Variants in FAM131A observed in about 807,000 individuals in gnomAD.
The protein encoded by FAM131A is family with sequence similarity 131 member A, also known as protein FAM131A.
Under a neutral mutation model 39.2 loss-of-function variants are expected in FAM131A, and 24 were observed. That is an observed-to-expected ratio of 0.61 (90% confidence interval 0.44 to 0.86). FAM131A has a LOEUF of 0.86. FAM131A is among the 40% of genes least tolerant of loss of function. FAM131A has a pLI of 0.00. For synonymous variants in FAM131A, 202 were observed against 206.8 expected (o/e 0.98, Z 0.20); for missense variants, 373 against 481.2 (o/e 0.78, Z 2.10).
At chr3:184,344,106 C>T (rs560825175) in intron 5 of FAM131A, among the ~76,000 whole-genome samples, 134 of 152,338 alleles carry the variant, frequency 8.8e-4, no homozygotes, top group African/African-American at 3.1e-3. Context: ...CTGCCTCAGC[C>T]TCCCGAGTAG....
chr3:184,342,383 C>T lies in FAM131A; in HGVS notation c.508+135C>T. 1 of 1,059,972 alleles carries T rather than the reference C, an allele frequency of 9.4e-7. No homozygotes were observed. Among genetic ancestry groups the T allele is most frequent in the Non-Finnish European group, 1.3e-6 (1 of 763,092 alleles). The allele number at this position is 1,059,972 out of a possible 1,614,324, so 65.7% of individuals were successfully genotyped here. ...AGTGCAGTGATGCAATCTCAGCTCA[C>T]TGCAACCTCTGCCACCCCAGTTCAA... On this transcript the variant is annotated intron_variant, in intron 4 of 5. Transcript: ENST00000383847. This position sits in a 1 kb window ranked among gnomAD's most constrained non-coding sequence, Gnocchi z 4.6.
Position 184,342,222 on chromosome 3 carries a change from G to A in FAM131A, c.482G>A (p.Gly161Asp). ...TCCTCCTATTCAGACCTCAGCGAGGGCGAACAAGAGGCTCGCTTTGCAGCA... is the reference window on the plus strand; with the variant it reads ...TCCTCCTATTCAGACCTCAGCGAGGACGAACAAGAGGCTCGCTTTGCAGCA... Reference protein sequence around the residue: ...AFSSYSDLSEGEQEARFAAGV... With the variant: ...AFSSYSDLSEDEQEARFAAGV... The change falls in exon 4 of 6, where the codon GGC becomes GAC. Residue 161 changes from glycine (G) to aspartate (D), a missense_variant. This residue lies in a region of FAM131A where 221 missense variants were observed against 347.7 expected (regional missense o/e 0.64). Transcript: ENST00000383847. This position sits in a 1 kb window ranked among gnomAD's most constrained non-coding sequence, Gnocchi z 4.6. 1 of 1,608,868 alleles carries A rather than the reference G, an allele frequency of 6.2e-7. No homozygotes were observed. Among genetic ancestry groups the A allele is most frequent in the Non-Finnish European group, 8.5e-7 (1 of 1,175,908 alleles).
chr3:184,338,615 C>T (rs1449199226), intron 2 of FAM131A, 86 bp downstream of exon 2: 1 of 1,478,612 alleles, frequency 6.8e-7, no homozygotes, highest in South Asian at 1.3e-5. Flanking sequence ...GGCCAGCCAG[C>T]TTCTGGCTCC....
chr3:184,345,461 C>T lies in FAM131A; in HGVS notation c.*491C>T, dbSNP rs985984704. 4.4e-5 allele frequency: 31 copies of T among 697,416 alleles called. No homozygotes were observed. The highest frequency in any genetic ancestry group is 1.2e-4 in the African/African-American group (7 of 56,776). The allele number at this position is 697,416 out of a possible 1,614,324, so 43.2% of individuals were successfully genotyped here. A position where few individuals can be genotyped will look rare whatever the true frequency, so the allele number is the denominator to read the frequency against. ...CTGGAGGGGCTGGCTCCTGCCCTCC[C>T]GGAGCCTATGGGTTGAGCCGTCCCT... On this transcript the variant is annotated 3_prime_UTR_variant, in exon 6 of 6. Coordinates refer to ENST00000383847, the MANE Select transcript of FAM131A (RefSeq NM_144635.5).
chr3:184,338,389 T>A lies in FAM131A; in HGVS notation c.91T>A (p.Ser31Thr). Residue 31 changes from serine to threonine, a missense_variant and splice_region_variant, in exon 2 of 6, where the codon TCC (serine) becomes ACC (threonine). Physicochemically the swap from Ser to Thr is moderately conservative, Grantham distance 58 (BLOSUM62 1). Around this residue, in one of 2 missense-constraint regions of FAM131A, gnomAD observed 221 missense variants for 347.7 expected, o/e 0.64. Coordinates refer to ENST00000383847, the MANE Select transcript of FAM131A (RefSeq NM_144635.5). ...RWTCQTSRRV[S>T]SDPAWAVEWI... is the part of the protein sequence containing the mutation. ...ACAGCCTTTCCCCTTCCTCTCAGTG[T>A]CCTCGGACCCCGCTTGGGCTGTGGA... The A allele has an allele frequency of 6.9e-7, 1 of 1,439,868 alleles. No homozygotes were observed. Among genetic ancestry groups the A allele is most frequent in the Non-Finnish European group, 9.1e-7 (1 of 1,099,674 alleles). 89.2% of individuals were successfully genotyped at this position (1,439,868 alleles called of 1,614,324 possible). A position where few individuals can be genotyped will look rare whatever the true frequency, so the allele number is the denominator to read the frequency against.
At position 184,342,310 on chromosome 3, in the gene FAM131A, TATTTA is replaced by T. The variant is rs1727421319; in HGVS notation, c.508+67_508+71del. On this transcript the variant is annotated intron_variant, in intron 4 of 5. Transcript: ENST00000383847. The surrounding 1 kb of genome is among the most constrained non-coding windows in gnomAD (Gnocchi z 4.6). ...ACAGGGCTGCTTTCTTTCTTTATTT[TATTTA>T]ATTTTTTTTTGAGACGGAGTCTCAC... is the stretch of plus-strand genomic sequence containing the variant. The T allele has an allele frequency of 1.3e-6, 2 of 1,493,394 alleles. No homozygotes were observed. The highest frequency in any genetic ancestry group is 1.4e-5 in the African/African-American group (1 of 71,344). 92.5% of individuals were successfully genotyped at this position (1,493,394 alleles called of 1,614,324 possible).
At chr3:184,343,408 G>A (rs1294384418) in intron 5 of FAM131A, among the ~76,000 whole-genome samples, 1 of 152,384 alleles carries the variant, frequency 6.6e-6, no homozygotes, top group South Asian at 2.1e-4. Context: ...AGTGCTTGCA[G>A]AGGGGACCCT....
chr3:184,344,621 A>T lies in FAM131A; in HGVS notation c.752A>T (p.Asp251Val), dbSNP rs1266454009. The T allele has an allele frequency of 6.2e-7, 1 of 1,612,948 alleles. No homozygotes were observed. Among genetic ancestry groups the T allele is most frequent in the Admixed American group, 1.7e-5 (1 of 60,014 alleles). The change falls in exon 6 of 6, where the codon GAC becomes GTC. Residue 251 changes from aspartate to valine, a missense_variant. Physicochemically the swap from Asp to Val is radical, Grantham distance 152. Coordinates refer to ENST00000383847, the MANE Select transcript of FAM131A (RefSeq NM_144635.5). ...ESDCSQTVSP[D>V]TLCSSLCSLE... The stretch of plus-strand genomic sequence containing the variant: ...GACTGCTCACAGACCGTGTCCCCAG[A>T]CACCCTGTGCTCTAGTCTGTGCAGC...
At chr3:184,341,851 G>A (rs781565540) in intron 3 of FAM131A, 34 bp downstream of exon 3, 1 of 1,609,476 alleles carries the variant, frequency 6.2e-7, no homozygotes, top group Non-Finnish European at 8.5e-7. Flanking sequence ...TGGCCACTTT[G>A]TCCTTTCTCC....
Position 184,344,755 on chromosome 3 carries a change from C to G in FAM131A, c.886C>G (p.Leu296Val), listed in dbSNP as rs1442288639. 6.8e-6 allele frequency: 11 copies of G among 1,612,390 alleles called. No individual in the cohort carries two copies. Among genetic ancestry groups the G allele is most frequent in the Non-Finnish European group, 9.3e-6 (11 of 1,179,962 alleles). The part of the protein sequence containing the change: ...PPSRESAFRS[L>V]GPLEAQDSLY... Reference sequence around the variant, plus strand: ...CAGCCGGGAAAGTGCCTTCCGCAGCCTGGGCCCACTGGAGGCCCAGGACTC... The same window carrying G: ...CAGCCGGGAAAGTGCCTTCCGCAGCGTGGGCCCACTGGAGGCCCAGGACTC... Residue 296 changes from leucine (L) to valine (V), a missense_variant, in exon 6 of 6, where the codon CTG becomes GTG. Physicochemically the swap from Leu to Val is conservative, Grantham distance 32. Around this residue, in one of 2 missense-constraint regions of FAM131A, gnomAD observed 152 missense variants for 133.5 expected, o/e 1.14. Transcript: ENST00000383847.
chr3:184,341,928 T>C, intron 3 of FAM131A, 111 bp downstream of exon 3: 1 of 1,501,514 alleles, frequency 6.7e-7, no homozygotes, highest in Non-Finnish European at 9.3e-7. Flanking sequence ...CTTTCTTCCC[T>C]TGCTCAGGTG....
intron 1 of FAM131A, 53 bp from the exon 2 acceptor site, chr3:184,338,334 G>A (rs1560240678): frequency 5.0e-6 from 7 of 1,397,608 alleles, no homozygotes; most frequent in Non-Finnish European, 4.6e-6. Flanking sequence ...ATGAAAATGG[G>A]GATCTCTGCA....
chr3:184,342,632 C>A lies in FAM131A; in HGVS notation c.509-112C>A. ...GGGCTGCTTTCTTATCTCCTCGGGT[C>A]TGACATGGGGGTTGGAGTCTTCCCA... is the stretch of plus-strand genomic sequence containing the variant. On this transcript the variant is annotated intron_variant, in intron 4 of 5. Transcript: ENST00000383847. The surrounding 1 kb of genome is among the most constrained non-coding windows in gnomAD (Gnocchi z 4.6). The A allele has an allele frequency of 3.2e-6, 3 of 933,352 alleles. No individual in the cohort carries two copies. The highest frequency in any genetic ancestry group is 4.9e-6 in the Non-Finnish European group (3 of 613,428). 57.8% of individuals were successfully genotyped at this position (933,352 alleles called of 1,614,324 possible).
rs9839000 is a variant in FAM131A at position 184,344,988 on chromosome 3, A to G, written c.*18A>G. ...AACAGTGACCCACATCATGCCTGGC[A>G]GTGGCATGCATCCCCCGGCTGCTGC... On this transcript the variant is annotated 3_prime_UTR_variant, in exon 6 of 6. Coordinates refer to ENST00000383847, the MANE Select transcript of FAM131A (RefSeq NM_144635.5). The G allele has an allele frequency of 0.31, 465,032 of 1,499,900 alleles. 75,021 individuals are homozygous for G. The highest frequency in any genetic ancestry group is 0.33 in the Non-Finnish European group (374,327 of 1,125,100). 92.9% of individuals were successfully genotyped at this position (1,499,900 alleles called of 1,614,324 possible).
At chr3:184,343,245 G>C in intron 5 of FAM131A, 1 of 166,534 alleles carries the variant, frequency 6.0e-6, no homozygotes, top group South Asian at 1.8e-4. Context: ...GCTGGCTGTG[G>C]CAGGGCAGAT....
intron 2 of FAM131A, chr3:184,341,495 C>T (rs1727375739): frequency 8.6e-6 from 5 of 582,506 alleles, no homozygotes; most frequent in Non-Finnish European, 1.2e-5. Context: ...GGAGGATTAG[C>T]TGAAGTTTTG....
intron 2 of FAM131A, 152 bp from the exon 3 acceptor site, chr3:184,341,572 T>A: frequency 1.5e-6 from 1 of 648,544 alleles, no homozygotes; most frequent in East Asian, 2.7e-5. Context: ...CCTAGCTTCT[T>A]ATCATCTTAC....
In FAM131A at chr3:184,344,887, G is replaced by C. The variant is rs764528978; in HGVS notation, c.1018G>C (p.Glu340Gln). 1.2e-6 allele frequency: 2 copies of C among 1,609,626 alleles called. No homozygotes were observed. Among genetic ancestry groups the C allele is most frequent in the South Asian group, 2.2e-5 (2 of 91,056 alleles). Reference sequence around the variant, plus strand: ...CTGCCCACCACTAACGGGCAGCTGGGAACGGCAGCGGCAAGCCTCTGACCT... The same window carrying C: ...CTGCCCACCACTAACGGGCAGCTGGCAACGGCAGCGGCAAGCCTCTGACCT... ...PLCPPLTGSW[E>Q]RQRQASDLAS... Residue 340 changes from glutamate (E) to glutamine (Q), a missense_variant, in exon 6 of 6, where the codon GAA (glutamate) becomes CAA (glutamine). Coordinates refer to ENST00000383847, the MANE Select transcript of FAM131A (RefSeq NM_144635.5).
chr3:184,338,291 G>A, intron 1 of FAM131A, 96 bp from the exon 2 acceptor site: 1 of 1,300,766 alleles, frequency 7.7e-7, no homozygotes. Flanking sequence ...TGGAAGGTGG[G>A]GGAGGGGCCG....
Sources: allele counts gnomAD v4.1 joint callset (sites outside exome capture counted in the v4.1 genomes callset), GRCh38; gene constraint gnomAD v4.1.1; regional missense constraint gnomAD v4.1.1; non-coding constraint Gnocchi (gnomAD v3.1); transcripts MANE v1.5; gene names NCBI Gene and HGNC (gene_info 2026-07-23, HGNC 2026-07-21).